CSGALNACT1: variants seen among roughly 807,000 people sequenced by gnomAD.
CSGALNACT1 encodes beta4GalNAcT-1.
CSGALNACT1 carries 52 observed loss-of-function variants against 51.0 expected under a neutral mutation model. That is an observed-to-expected ratio of 1.02 (90% confidence interval 0.82 to 1.29). The LOEUF (loss-of-function observed/expected upper bound fraction) is 1.29, where lower values mean the gene tolerates loss of function less well. CSGALNACT1 is among the 50% of genes most tolerant of loss of function. CSGALNACT1 has a pLI of 0.00. For synonymous variants in CSGALNACT1, 341 were observed against 254.4 expected (o/e 1.34, Z -3.24); for missense variants, 935 against 679.2 (o/e 1.38, Z -4.19).
intron 4 of CSGALNACT1, among the ~76,000 whole-genome samples, chr8:19,480,025 T>C (rs1396114968): frequency 6.6e-6 from 1 of 152,210 alleles, no homozygotes; most frequent in Non-Finnish European, 1.5e-5. Context: ...TTTCTTTTGT[T>C]TGAATTACAA....
intron 3 of CSGALNACT1, among the ~76,000 whole-genome samples, chr8:19,540,707 G>C (rs1399603796): frequency 6.6e-6 from 1 of 152,128 alleles, no homozygotes; most frequent in African/African-American, 2.4e-5. Context: ...TATATGCTGT[G>C]GATTTCTCAA....
rs1348286783 is a variant in CSGALNACT1, at chr8:19,458,710, G to A, written c.635-68C>T. ...CTTGGCTGCTGAGTGTTTTTCAACC[G>A]AGATCTAGCACAGAATGCCTTTAAA... On this transcript the variant is annotated intron_variant, in intron 4 of 9. Coordinates refer to ENST00000454498, the Ensembl canonical transcript of CSGALNACT1. 9.9e-5 allele frequency: 140 copies of A among 1,416,380 alleles called. 3 individuals are homozygous for A. The highest frequency in any genetic ancestry group is 9.8e-4 in the South Asian group (85 of 86,604). 87.7% of individuals were successfully genotyped at this position (1,416,380 alleles called of 1,614,324 possible).
intron 3 of CSGALNACT1, among the ~76,000 whole-genome samples, chr8:19,583,208 G>A (rs1402745149): frequency 6.6e-6 from 1 of 151,868 alleles, no homozygotes; most frequent in African/African-American, 2.4e-5. Context: ...CTTAAATCAT[G>A]TAGAAGACAA....
chr8:19,581,957 A>G (rs2154122850), intron 3 of CSGALNACT1, among the ~76,000 whole-genome samples: 1 of 152,354 alleles, frequency 6.6e-6, no homozygotes, highest in African/African-American at 2.4e-5. Context: ...TAACAGGAAA[A>G]TAATTCAGAT....
intron 1 of CSGALNACT1, among the ~76,000 whole-genome samples, chr8:19,728,025 C>G (rs112133724): frequency 1.1e-4 from 16 of 152,282 alleles, no homozygotes; most frequent in African/African-American, 3.9e-4. Context: ...GCGCGATGCT[C>G]TGAGAGGCTG....
At chr8:19,686,179 G>T (rs529502888), upstream of CSGALNACT1, among the ~76,000 whole-genome samples, 2 of 152,102 alleles carry the variant, frequency 1.3e-5, no homozygotes, top group Non-Finnish European at 2.9e-5. Context: ...GGACTGACAA[G>T]GACCCCCCAA....
chr8:19,406,195 C>G, intron 9 of CSGALNACT1, 126 bp from the exon 9 acceptor site: 1 of 1,112,586 alleles, frequency 9.0e-7, no homozygotes, highest in South Asian at 1.3e-5. Flanking sequence ...CACCACCCCT[C>G]CAAGGTACGA....
upstream of CSGALNACT1, among the ~76,000 whole-genome samples, chr8:19,606,183 G>A (rs1303240558): frequency 1.3e-5 from 2 of 152,182 alleles, no homozygotes; most frequent in African/African-American, 2.4e-5. Context: ...AAAACACCAC[G>A]AGATGAGATA....
intron 4 of CSGALNACT1, among the ~76,000 whole-genome samples, chr8:19,459,868 C>T (rs2064995001): frequency 6.6e-6 from 1 of 152,170 alleles, no homozygotes. Flanking sequence ...AGTCTAGGGA[C>T]CGTGCAAACT....
chr8:19,730,183 T>C (rs997427230), intron 1 of CSGALNACT1, among the ~76,000 whole-genome samples: 1 of 152,114 alleles, frequency 6.6e-6, no homozygotes, highest in African/African-American at 2.4e-5. Flanking sequence ...AAAGTCAAAA[T>C]CACATTAAAA....
rs191051586 is a variant in CSGALNACT1, at chr8:19,469,485, G to C, written c.635-10843C>G. ...AGGTAGTCTTATCAATAAGTTTCAG[G>C]GGTGTAAGACAGCCTGGGATAGATT... On this transcript the variant is annotated intron_variant, in intron 4 of 9. Coordinates refer to ENST00000454498, the Ensembl canonical transcript of CSGALNACT1. Among the ~76,000 whole-genome samples, 64 of 152,304 alleles carry C rather than the reference G, an allele frequency of 4.2e-4. No homozygotes were observed. The Middle Eastern group carries it at 0.017, about 40-fold the overall frequency.
At chr8:19,610,972 A>T (rs367811632) in intron 1 of CSGALNACT1, among the ~76,000 whole-genome samples, 69 of 152,224 alleles carry the variant, frequency 4.5e-4, no homozygotes, top group African/African-American at 1.6e-3. Flanking sequence ...GGAGCCCCGC[A>T]GCCTGCCCGT....
intron 1 of CSGALNACT1, among the ~76,000 whole-genome samples, chr8:19,704,217 T>G (rs916060333): frequency 7.2e-5 from 11 of 152,328 alleles, no homozygotes; most frequent in Middle Eastern, 3.4e-3. Context: ...TAAACGAATG[T>G]GCTGCCAAAG....
At chr8:19,582,824 C>T (rs4449810) in intron 3 of CSGALNACT1, among the ~76,000 whole-genome samples, 15 of 152,286 alleles carry the variant, frequency 9.8e-5, no homozygotes, top group African/African-American at 3.4e-4. Flanking sequence ...ACAACAGATT[C>T]TCTTATTTGC....
intron 1 of CSGALNACT1, among the ~76,000 whole-genome samples, chr8:19,691,323 T>C (rs544308559): frequency 6.6e-6 from 1 of 152,236 alleles, no homozygotes; most frequent in East Asian, 1.9e-4. Context: ...GAGCAGGGCT[T>C]CTAGATCTCA....
rs1386703624 is a variant in CSGALNACT1, at chr8:19,553,620, C to CATACATATATATATAT, written c.-297+37539_-297+37540insATATATATATATGTAT. Among the ~76,000 whole-genome samples the CATACATATATATATAT allele has an allele frequency of 1.1e-3, 82 of 71,548 alleles. 1 individual carries two copies. The highest frequency in any genetic ancestry group is 7.4e-3 in the African/African-American group (80 of 10,854). 46.9% of individuals were successfully genotyped at this position (71,548 alleles called of 152,430 possible). On this transcript the variant is annotated intron_variant, in intron 3 of 9. Coordinates refer to ENST00000454498, the Ensembl canonical transcript of CSGALNACT1. ...AAAAATACATTTATGTATATAAATA[C>CATACATATATATATAT]ATATATATATATATATATAAAAAAA...
At chr8:19,629,433 G>C (rs142986361) in intron 1 of CSGALNACT1, among the ~76,000 whole-genome samples, 3 of 152,334 alleles carry the variant, frequency 2.0e-5, no homozygotes, top group Non-Finnish European at 4.4e-5. Context: ...TATGAAGCAG[G>C]TATAGCTGTT....
At chr8:19,547,661 G>T (rs1024707751) in intron 3 of CSGALNACT1, among the ~76,000 whole-genome samples, 1 of 152,130 alleles carries the variant, frequency 6.6e-6, no homozygotes, top group Non-Finnish European at 1.5e-5. Flanking sequence ...CCAGTCTCGG[G>T]TATATCTTTA....
At chr8:19,724,332 T>G (rs1172239564) in intron 1 of CSGALNACT1, among the ~76,000 whole-genome samples, 1 of 152,222 alleles carries the variant, frequency 6.6e-6, no homozygotes, top group Non-Finnish European at 1.5e-5. Flanking sequence ...ATTTCTTTGC[T>G]TTTTCCAGTG....
Sources: allele counts gnomAD v4.1 joint callset (sites outside exome capture counted in the v4.1 genomes callset), GRCh38; gene constraint gnomAD v4.1.1; transcripts MANE v1.5; gene names NCBI Gene and HGNC (gene_info 2026-07-23, HGNC 2026-07-21).